The following CACNA2D3 variants were observed in gnomAD, a reference collection of about 807,000 sequenced individuals.
The protein encoded by CACNA2D3 is calcium voltage-gated channel auxiliary subunit alpha2delta 3.
A neutral mutation model predicts 160.6 loss-of-function variants in CACNA2D3; 60 were observed. That is an observed-to-expected ratio of 0.37 (90% CI 0.30 to 0.46). The LOEUF (loss-of-function observed/expected upper bound fraction) is 0.46. CACNA2D3 is among the 20% of genes least tolerant of loss of function. The pLI is 1.00. For missense variants in CACNA2D3, 1,205 were observed against 1,365.0 expected (o/e 0.88, Z 1.85); for synonymous variants, 558 against 492.9 (o/e 1.13, Z -1.75).
intron 2 of CACNA2D3, among the ~76,000 whole-genome samples, chr3:54,272,424 A>C (rs371897137): frequency 3.3e-5 from 5 of 152,122 alleles, no homozygotes; most frequent in South Asian, 2.1e-4. Context: ...TTCCACATGC[A>C]TGTCTTTAGC....
intron 4 of CACNA2D3, among the ~76,000 whole-genome samples, chr3:54,445,013 T>A (rs1412605011): frequency 1.3e-5 from 2 of 151,998 alleles, no homozygotes; most frequent in Non-Finnish European, 2.9e-5. Flanking sequence ...CATGAGGGAG[T>A]CTCAGTCTGA....
In CACNA2D3 at chr3:54,866,269, T is replaced by C. The variant is rs114145043; in HGVS notation, c.1627-5270T>C. Among the ~76,000 whole-genome samples, 141 of 152,322 alleles carry C rather than the reference T, an allele frequency of 9.3e-4. 1 individual carries two copies. The highest frequency in any genetic ancestry group is 6.8e-3 in the Middle Eastern group (2 of 294). The stretch of plus-strand genomic sequence containing the variant: ...GAAGGAATGAAGTGCCCTGTGGCCA[T>C]TGGTCCTTATCTCTTGCATATGGAG... On this transcript the variant is annotated intron_variant, in intron 17 of 37. Coordinates refer to ENST00000474759, the MANE Select transcript of CACNA2D3 (RefSeq NM_018398.3).
At chr3:54,970,251 G>A (rs1702238695) in intron 29 of CACNA2D3, among the ~76,000 whole-genome samples, 1 of 152,096 alleles carries the variant, frequency 6.6e-6, no homozygotes, top group African/African-American at 2.4e-5. Context: ...GAAAAACTGA[G>A]CATCAGAGAA....
At chr3:54,226,658 C>T (rs915130974) in intron 2 of CACNA2D3, among the ~76,000 whole-genome samples, 2 of 152,028 alleles carry the variant, frequency 1.3e-5, no homozygotes, top group Non-Finnish European at 2.9e-5. Flanking sequence ...GCCTTGGTAG[C>T]TCTGAACTCC....
At chr3:54,210,669 G>T (rs1394489892) in intron 2 of CACNA2D3, among the ~76,000 whole-genome samples, 3 of 152,094 alleles carry the variant, frequency 2.0e-5, no homozygotes, top group Non-Finnish European at 4.4e-5. Context: ...CCTGGGATTG[G>T]CAATAATTTA....
intron 11 of CACNA2D3, among the ~76,000 whole-genome samples, chr3:54,745,185 G>T (rs1331275876): frequency 6.6e-6 from 1 of 151,924 alleles, no homozygotes; most frequent in Non-Finnish European, 1.5e-5. Context: ...TAGAGGGCAG[G>T]AGCCTTTATT....
intron 27 of CACNA2D3, among the ~76,000 whole-genome samples, chr3:54,938,234 A>G (rs1275891807): frequency 6.6e-6 from 1 of 152,200 alleles, no homozygotes; most frequent in African/African-American, 2.4e-5. Context: ...CCTGGATGGG[A>G]CGTAACATTT....
At chr3:54,704,586 A>G (rs1040979861) in intron 11 of CACNA2D3, among the ~76,000 whole-genome samples, 1 of 152,150 alleles carries the variant, frequency 6.6e-6, no homozygotes, top group Non-Finnish European at 1.5e-5. Flanking sequence ...GACTTGCCAG[A>G]GAACAGTCTT....
intron 35 of CACNA2D3, among the ~76,000 whole-genome samples, chr3:55,031,449 A>G (rs1399601785): frequency 6.6e-6 from 1 of 152,244 alleles, no homozygotes; most frequent in Non-Finnish European, 1.5e-5. Context: ...TCAAAGCAGA[A>G]ATGCTGCCTG....
At position 54,821,697 on chromosome 3, in the gene CACNA2D3, T is replaced by TTTCTTTCTTTCTTTCTTTCCTTCCTTCC. The variant is rs753240626; in HGVS notation, c.1398+4830_1398+4831insTTTCTTTCTTTCTTTCCTTCCTTCCTTC. 1.8e-4 allele frequency among the ~76,000 whole-genome samples: 15 copies of TTTCTTTCTTTCTTTCTTTCCTTCCTTCC among 84,136 alleles called. No homozygotes were observed. In the East Asian group the frequency reaches 3.9e-3, roughly 22 times the overall value. The allele number at this position is 84,136 out of a possible 152,430, so 55.2% of individuals were successfully genotyped here. A position where few individuals can be genotyped will look rare whatever the true frequency, so the allele number is the denominator to read the frequency against. ...CTTTCTTTCTTTCTTTCTTTCTTTC[T>TTTCTTTCTTTCTTTCTTTCCTTCCTTCC]TTCCTTCCTTCCTTCTTTCCTCTCT... is the stretch of plus-strand genomic sequence containing the variant. On this transcript the variant is annotated intron_variant, in intron 14 of 37. Transcript: ENST00000474759.
At chr3:54,821,641 G>GTTTCTTTCTTTCT (rs1204861925) in intron 14 of CACNA2D3, among the ~76,000 whole-genome samples, 4 of 107,830 alleles carry the variant, frequency 3.7e-5, no homozygotes, top group African/African-American at 7.7e-5. Flanking sequence ...AGAGTCTTTC[G>GTTTCTTTCTTTCT]TTCTTTCTTT....
chr3:54,865,050 C>A (rs1403799876), intron 17 of CACNA2D3, among the ~76,000 whole-genome samples: 1 of 152,140 alleles, frequency 6.6e-6, no homozygotes. Context: ...GGGAAACTGC[C>A]CAGTGGGGGA....
intron 5 of CACNA2D3, among the ~76,000 whole-genome samples, chr3:54,540,584 C>T (rs568335481): frequency 2.6e-5 from 4 of 152,198 alleles, no homozygotes; most frequent in South Asian, 2.1e-4. Context: ...ATAAAATGGT[C>T]GGGTAAATAG....
intron 13 of CACNA2D3, among the ~76,000 whole-genome samples, chr3:54,808,096 C>T (rs1407289780): frequency 6.7e-6 from 1 of 149,482 alleles, no homozygotes; most frequent in East Asian, 2.0e-4. Flanking sequence ...AGGAGATATA[C>T]CTAATGCTAA....
intron 35 of CACNA2D3, among the ~76,000 whole-genome samples, chr3:55,027,702 C>T (rs1201916634): frequency 1.3e-5 from 2 of 152,032 alleles, no homozygotes; most frequent in Non-Finnish European, 2.9e-5. Context: ...GCCAGGAGTG[C>T]GCTGGAAATT....
rs34363779 is a variant in CACNA2D3 at position 54,286,299 on chromosome 3, G to C, written c.205-34143G>C. ...TGAAGAATGCAGAAGCCTCAGGAGC[G>C]GATGCGATCAACTGGAAGAAAGGGT... On this transcript the variant is annotated intron_variant, in intron 2 of 37. Transcript: ENST00000474759. Among the ~76,000 whole-genome samples, 1,513 of 152,254 alleles carry C rather than the reference G, an allele frequency of 9.9e-3. 23 individuals are homozygous for C. Among genetic ancestry groups the C allele is most frequent in the African/African-American group, 0.033 (1,369 of 41,534 alleles).
At chr3:54,952,092 C>T (rs916301355) in intron 27 of CACNA2D3, among the ~76,000 whole-genome samples, 6 of 152,146 alleles carry the variant, frequency 3.9e-5, no homozygotes, top group South Asian at 2.1e-4. Context: ...AAGATCTGCC[C>T]GCCTCAGCCT....
chr3:54,160,146 G>A (rs574978721), intron 2 of CACNA2D3, among the ~76,000 whole-genome samples: 1 of 152,292 alleles, frequency 6.6e-6, no homozygotes. Context: ...CTGCACAGGA[G>A]AATATTTTGG....
intron 30 of CACNA2D3, among the ~76,000 whole-genome samples, chr3:54,987,384 A>C (rs1031259354): frequency 2.0e-5 from 3 of 152,178 alleles, no homozygotes; most frequent in Admixed American, 1.3e-4. Context: ...TACCTACTCC[A>C]TCCAAGGGTA....
Sources: gnomAD v4.1 joint callset for allele counts (sites outside exome capture counted in the v4.1 genomes callset) on GRCh38, gnomAD v4.1.1 for gene constraint, MANE v1.5 for transcripts, NCBI Gene and HGNC (gene_info 2026-07-23, HGNC 2026-07-21) for gene names.